The following CHRNA7 variants were observed in gnomAD, a reference collection of about 807,000 sequenced individuals.
CHRNA7 encodes cholinergic receptor nicotinic alpha 7 subunit, also known as neuronal acetylcholine receptor subunit alpha-7.
Under a neutral mutation model 48.0 loss-of-function variants are expected in CHRNA7, and 17 were observed. That is an observed-to-expected ratio of 0.35 (90% CI 0.24 to 0.53). CHRNA7 has a LOEUF of 0.53. Ranked by LOEUF, CHRNA7 falls within the 20% of genes least tolerant of loss-of-function variation. The probability of loss-of-function intolerance (pLI) is 0.92; values close to 1 mark genes in which losing one functional copy is unlikely to be tolerated. For missense variants in CHRNA7, 155 were observed against 577.7 expected, an observed-to-expected ratio of 0.27 and a Z score of 7.50; for synonymous variants, 75 against 242.3, an observed-to-expected ratio of 0.31 and a Z score of 6.41.
At chr15:32,090,966 T>G (rs1456754976) in intron 2 of CHRNA7, among the ~76,000 whole-genome samples, 1 of 152,206 alleles carries the variant, frequency 6.6e-6, no homozygotes, top group Non-Finnish European at 1.5e-5. Flanking sequence ...TTTTGTTGAG[T>G]CTGTCTTCAG....
chr15:32,040,311 A>T (rs1364413083), intron 2 of CHRNA7, among the ~76,000 whole-genome samples: 1 of 151,076 alleles, frequency 6.6e-6, no homozygotes. Flanking sequence ...CTTGTTCCTT[A>T]TTTCAGTTTT....
At chr15:32,102,700 AC>A (rs1449837115) in intron 3 of CHRNA7, 1 of 152,220 alleles carries the variant, frequency 6.6e-6, no homozygotes, top group Admixed American at 6.5e-5. Flanking sequence ...TCCACAGATG[AC>A]TTTTTATTAC....
At chr15:32,145,259 A>C (rs2051464160) in intron 4 of CHRNA7, among the ~76,000 whole-genome samples, 1 of 152,148 alleles carries the variant, frequency 6.6e-6, no homozygotes, top group South Asian at 2.1e-4. Context: ...GCAGAACAGC[A>C]AACATTGCTG....
Position 32,111,818 on chromosome 15 carries a change from A to G in CHRNA7, c.269A>G (p.Asn90Ser). 1.2e-6 allele frequency: 2 copies of G among 1,613,430 alleles called. No individual in the cohort carries two copies. The highest frequency in any genetic ancestry group is 8.5e-7 in the Non-Finnish European group (1 of 1,179,332). ...MSWTDHYLQW[N>S]VSEYPGVKTV... is the part of the protein sequence containing the mutation. Reference sequence around the variant, plus strand: ...TGGACAGATCACTATTTACAGTGGAATGTGTCAGAATATCCAGGGGTGAAG... The same window carrying G: ...TGGACAGATCACTATTTACAGTGGAGTGTGTCAGAATATCCAGGGGTGAAG... Residue 90 changes from asparagine to serine, a missense_variant, in exon 4 of 10, where the codon AAT (asparagine) becomes AGT (serine). By Grantham distance (46) the Asn-to-Ser change is conservative (BLOSUM62 1). Coordinates refer to ENST00000306901, the MANE Select transcript of CHRNA7 (RefSeq NM_000746.6).
At position 32,088,052 on chromosome 15, in the gene CHRNA7, A is replaced by T. The variant is rs532879542; in HGVS notation, c.196-13251A>T. Among the ~76,000 whole-genome samples, 7 of 152,342 alleles carry T rather than the reference A, an allele frequency of 4.6e-5. No homozygotes were observed. The South Asian group carries it at 1.4e-3, about 32-fold the overall frequency. On this transcript the variant is annotated intron_variant, in intron 2 of 9. Coordinates refer to ENST00000306901, the MANE Select transcript of CHRNA7 (RefSeq NM_000746.6). ...GTCTTGTATTCACCATTACAATATG[A>T]TACAGAATTCTCTGCCCTAGAAGTA...
intron 2 of CHRNA7, among the ~76,000 whole-genome samples, chr15:32,048,823 CT>C (rs1212333350): frequency 1.3e-5 from 2 of 151,784 alleles, no homozygotes; most frequent in African/African-American, 4.9e-5. Flanking sequence ...ATAAATTTCC[CT>C]GTAGACACTG....
At chr15:32,136,357 G>C (rs911201642) in intron 4 of CHRNA7, among the ~76,000 whole-genome samples, 2 of 152,022 alleles carry the variant, frequency 1.3e-5, no homozygotes, top group Admixed American at 6.6e-5. Context: ...CGGGCGTGGT[G>C]GCATGTGCCT....
intron 4 of CHRNA7, among the ~76,000 whole-genome samples, chr15:32,114,900 C>T (rs1047242228): frequency 3.2e-4 from 48 of 152,186 alleles, no homozygotes; most frequent in Non-Finnish European, 1.0e-4. Flanking sequence ...ACTTCCACAG[C>T]GGGGCAGGTC....
intron 2 of CHRNA7, among the ~76,000 whole-genome samples, chr15:32,079,713 A>G (rs2050186932): frequency 6.6e-6 from 1 of 152,158 alleles, no homozygotes. Context: ...GAAAATGGCC[A>G]TACTGCCCAA....
At position 32,149,218 on chromosome 15, in the gene CHRNA7, C is replaced by T. The variant is rs2051563952; in HGVS notation, c.351-4689C>T. On this transcript the variant is annotated intron_variant, in intron 4 of 9. Transcript: ENST00000306901. This position sits in a 1 kb window ranked among gnomAD's most constrained non-coding sequence, Gnocchi z 4.6. ...TTGGCCATTTTCAGACTATTTAATA[C>T]AGAACAGTTTACACACAGAAGAGGA... Among the ~76,000 whole-genome samples, 4 of 152,198 alleles carry T rather than the reference C, an allele frequency of 2.6e-5. No individual in the cohort carries two copies. Among genetic ancestry groups the T allele is most frequent in the Admixed American group, 2.6e-4 (4 of 15,282 alleles).
At chr15:32,061,005 A>G (rs1400294236) in intron 2 of CHRNA7, among the ~76,000 whole-genome samples, 1 of 152,170 alleles carries the variant, frequency 6.6e-6, no homozygotes, top group Non-Finnish European at 1.5e-5. Context: ...AGAGCTTTGG[A>G]TTCATCACAA....
chr15:32,114,704 C>T (rs995750658), intron 4 of CHRNA7, among the ~76,000 whole-genome samples: 1 of 152,234 alleles, frequency 6.6e-6, no homozygotes, highest in African/African-American at 2.4e-5. Flanking sequence ...ATTTAAACCA[C>T]TCATAGACAC....
At chr15:32,061,441 T>C (rs1047830831) in intron 2 of CHRNA7, among the ~76,000 whole-genome samples, 3 of 152,206 alleles carry the variant, frequency 2.0e-5, no homozygotes, top group African/African-American at 7.2e-5. Context: ...CGAAATACTT[T>C]ACTTATTTAT....
At chr15:32,045,487 C>T (rs1037054281) in intron 2 of CHRNA7, among the ~76,000 whole-genome samples, 1 of 152,030 alleles carries the variant, frequency 6.6e-6, no homozygotes, top group South Asian at 2.1e-4. Flanking sequence ...CTTGCATATA[C>T]ATTCTAGGGC....
intron 2 of CHRNA7, among the ~76,000 whole-genome samples, chr15:32,088,914 T>G (rs1460598673): frequency 6.6e-6 from 1 of 152,190 alleles, no homozygotes; most frequent in East Asian, 1.9e-4. Context: ...CAGTTTTTAA[T>G]TTTAATAAAG....
intron 2 of CHRNA7, among the ~76,000 whole-genome samples, chr15:32,048,030 C>G (rs945827695): frequency 1.1e-4 from 17 of 152,152 alleles, no homozygotes; most frequent in Non-Finnish European, 2.4e-4. Context: ...CCCACTTGAT[C>G]ATGGTGGATA....
intron 2 of CHRNA7, among the ~76,000 whole-genome samples, chr15:32,081,734 A>G (rs2050218597): frequency 6.6e-6 from 1 of 152,072 alleles, no homozygotes; most frequent in South Asian, 2.1e-4. Context: ...TTTTCCTTCA[A>G]CCAACAAACA....
chr15:32,146,411 G>A (rs981415933), intron 4 of CHRNA7, among the ~76,000 whole-genome samples: 1 of 152,094 alleles, frequency 6.6e-6, no homozygotes, highest in South Asian at 2.1e-4. Context: ...GTGACTATAT[G>A]AATTTCAGTA....
intron 3 of CHRNA7, among the ~76,000 whole-genome samples, chr15:32,104,829 G>A (rs1231645124): frequency 3.3e-5 from 5 of 152,206 alleles, no homozygotes; most frequent in Non-Finnish European, 5.9e-5. Context: ...TTTAATTAAA[G>A]TTGGACGTTT....
Sources: gnomAD v4.1 joint callset for allele counts (sites outside exome capture counted in the v4.1 genomes callset) on GRCh38, gnomAD v4.1.1 for gene constraint, Gnocchi (gnomAD v3.1) non-coding constraint, MANE v1.5 for transcripts, NCBI Gene and HGNC (gene_info 2026-07-23, HGNC 2026-07-21) for gene names.